Variants in EXOC4 observed in about 807,000 individuals in gnomAD.
EXOC4 encodes SEC8-like 1.
In EXOC4, 71 loss-of-function variants were observed where a neutral mutation model predicts 107.2. The observed-to-expected ratio is 0.66, with a 90% CI of 0.55 to 0.81. EXOC4 has a LOEUF of 0.81. Ranked by LOEUF, EXOC4 falls within the 30% of genes least tolerant of loss-of-function variation. The pLI is 0.00. For synonymous variants in EXOC4, 456 were observed against 441.2 expected (o/e 1.03, Z -0.42); for missense variants, 1,108 against 1,189.6 (o/e 0.93, Z 1.01).
At chr7:133,435,796 T>C (rs143282175) in intron 7 of EXOC4, among the ~76,000 whole-genome samples, 2 of 152,330 alleles carry the variant, frequency 1.3e-5, no homozygotes, top group Admixed American at 1.3e-4. Context: ...TATCTAGTGA[T>C]CTGTTAATTT....
At chr7:133,392,655 A>G (rs967052514) in intron 7 of EXOC4, among the ~76,000 whole-genome samples, 2 of 152,178 alleles carry the variant, frequency 1.3e-5, no homozygotes, top group East Asian at 3.9e-4. Flanking sequence ...AATGTGAAAA[A>G]TTTCAGGTTC....
Position 133,503,374 on chromosome 7 carries a change from A to G in EXOC4, c.1417+23236A>G, listed in dbSNP as rs140258098. Among the ~76,000 whole-genome samples the G allele has an allele frequency of 3.3e-3, 498 of 152,260 alleles. 3 individuals carry two copies. Among genetic ancestry groups the G allele is most frequent in the African/African-American group, 0.011 (442 of 41,556 alleles). ...TATAATCAGAGATTGTTGCTATGGC[A>G]TTTTTCTCTCTAAAGCCCCTCTGGT... On this transcript the variant is annotated intron_variant, in intron 9 of 17. Coordinates refer to ENST00000253861, the MANE Select transcript of EXOC4 (RefSeq NM_021807.4).
At chr7:133,577,589 C>G (rs936488827) in intron 9 of EXOC4, among the ~76,000 whole-genome samples, 2 of 152,158 alleles carry the variant, frequency 1.3e-5, no homozygotes, top group African/African-American at 4.8e-5. Context: ...TCCTCTCATC[C>G]TTGTTCAGTC....
At chr7:133,255,322 G>A (rs745453567) in intron 1 of EXOC4, among the ~76,000 whole-genome samples, 2 of 151,900 alleles carry the variant, frequency 1.3e-5, no homozygotes, top group South Asian at 2.1e-4. Context: ...GATTATAGGC[G>A]TGCGCCACCA....
chr7:133,375,251 G>A (rs1796463818), intron 7 of EXOC4, among the ~76,000 whole-genome samples: 1 of 152,174 alleles, frequency 6.6e-6, no homozygotes, highest in Admixed American at 6.5e-5. Context: ...CAAGGCGGGT[G>A]GATCACCTGA....
chr7:133,343,910 T>C (rs1432659036), intron 5 of EXOC4, among the ~76,000 whole-genome samples: 3 of 151,788 alleles, frequency 2.0e-5, no homozygotes, highest in East Asian at 1.9e-4. Context: ...AACCCTAGGC[T>C]CAAAGGGATC....
At chr7:133,340,986 A>AT (rs1172723909) in intron 5 of EXOC4, among the ~76,000 whole-genome samples, 2 of 151,578 alleles carry the variant, frequency 1.3e-5, no homozygotes, top group African/African-American at 2.4e-5. Context: ...TGTTTTATTA[A>AT]TTTTTTTGTA....
intron 15 of EXOC4, among the ~76,000 whole-genome samples, chr7:134,001,693 A>G (rs1333519616): frequency 6.6e-6 from 1 of 152,160 alleles, no homozygotes; most frequent in African/African-American, 2.4e-5. Context: ...GTCTGATTAT[A>G]TTATTCACTT....
chr7:133,449,721 T>TTGTGTGTGTGTGTGTGTGTG (rs58843853), intron 7 of EXOC4, among the ~76,000 whole-genome samples: 3 of 148,002 alleles, frequency 2.0e-5, no homozygotes, highest in East Asian at 4.0e-4. Flanking sequence ...GAAAATACAT[T>TTGTGTGTGTGTGTGTGTGTG]TGTGTGTGTG....
intron 11 of EXOC4, among the ~76,000 whole-genome samples, chr7:133,842,877 C>T (rs962737031): frequency 6.6e-6 from 1 of 152,162 alleles, no homozygotes; most frequent in African/African-American, 2.4e-5. Flanking sequence ...GTTATCCCAG[C>T]ACCATTTATC....
intron 7 of EXOC4, among the ~76,000 whole-genome samples, chr7:133,429,745 G>A (rs181191058): frequency 1.3e-5 from 2 of 152,304 alleles, no homozygotes; most frequent in Non-Finnish European, 2.9e-5. Flanking sequence ...TTAGCATAAT[G>A]TTTTCAAGGT....
At chr7:133,886,034 T>C (rs1185636581) in intron 11 of EXOC4, among the ~76,000 whole-genome samples, 1 of 152,176 alleles carries the variant, frequency 6.6e-6, no homozygotes, top group East Asian at 1.9e-4. Context: ...GTACTCCTCA[T>C]GTGTCCTTAA....
At chr7:133,315,802 C>T (rs1449421764) in intron 4 of EXOC4, among the ~76,000 whole-genome samples, 1 of 152,118 alleles carries the variant, frequency 6.6e-6, no homozygotes, top group African/African-American at 2.4e-5. Flanking sequence ...TCACATTAGC[C>T]TGTGAGTGAT....
intron 13 of EXOC4, among the ~76,000 whole-genome samples, chr7:133,933,907 A>G (rs1228668707): frequency 6.6e-6 from 1 of 152,260 alleles, no homozygotes; most frequent in African/African-American, 2.4e-5. Context: ...TTTGGAGAAC[A>G]TATGGACAGT....
chr7:133,555,450 C>T (rs546897430), intron 9 of EXOC4, among the ~76,000 whole-genome samples: 1 of 151,972 alleles, frequency 6.6e-6, no homozygotes. Context: ...ATTCAGAAGC[C>T]CTAGGGACTA....
intron 11 of EXOC4, among the ~76,000 whole-genome samples, chr7:133,879,606 T>A (rs570113558): frequency 6.6e-6 from 1 of 152,204 alleles, no homozygotes; most frequent in African/African-American, 2.4e-5. Flanking sequence ...TCTCTCTTCA[T>A]TGATTTTTCA....
chr7:133,721,425 G>A (rs968312141), intron 10 of EXOC4, among the ~76,000 whole-genome samples: 1 of 152,160 alleles, frequency 6.6e-6, no homozygotes, highest in Admixed American at 6.5e-5. Flanking sequence ...CCAGGGTGGT[G>A]TGTCAGAAAA....
chr7:133,929,562 T>C (rs777891237), intron 13 of EXOC4, among the ~76,000 whole-genome samples: 4 of 152,134 alleles, frequency 2.6e-5, no homozygotes, highest in Non-Finnish European at 5.9e-5. Context: ...AGTATCTCTG[T>C]TTTTTTACTT....
rs986701938 is a variant in EXOC4, at chr7:133,796,267, C to A, written c.1515-21058C>A. 4.6e-5 allele frequency among the ~76,000 whole-genome samples: 7 copies of A among 152,220 alleles called. No individual in the cohort carries two copies. The South Asian group carries it at 1.5e-3, about 32-fold the overall frequency. ...TATCCCAAGGTGACATCATTTGGAT[C>A]CCAGACTGAGGTTGCCTTTTTCCTT... On this transcript the variant is annotated intron_variant, in intron 10 of 17. Coordinates refer to ENST00000253861, the MANE Select transcript of EXOC4 (RefSeq NM_021807.4).
Sources: gnomAD v4.1 joint callset for allele counts (sites outside exome capture counted in the v4.1 genomes callset) on GRCh38, gnomAD v4.1.1 for gene constraint, MANE v1.5 for transcripts, NCBI Gene and HGNC (gene_info 2026-07-23, HGNC 2026-07-21) for gene names.